Variants in C3orf70 observed in about 807,000 individuals in gnomAD.
C3orf70 encodes the protein chromosome 3 open reading frame 70, also known as UPF0524 protein C3orf70.
C3orf70 carries 15 observed loss-of-function variants against 20.7 expected under a neutral mutation model. The ratio of observed to expected loss-of-function variants is 0.72; its 90% CI spans 0.48 to 1.11. The LOEUF is 1.11. Ranked by LOEUF, C3orf70 falls within the 50% of genes most tolerant of loss-of-function variation. The pLI is 0.00. For synonymous variants in C3orf70, 161 were observed against 125.7 expected (o/e 1.28, Z -1.88); for missense variants, 332 against 317.6 (o/e 1.05, Z -0.34).
At chr3:185,121,985 G>A (rs953890573) in intron 1 of C3orf70, among the ~76,000 whole-genome samples, 2 of 151,734 alleles carry the variant, frequency 1.3e-5, no homozygotes, top group Non-Finnish European at 2.9e-5. Context: ...TGTAGTCCCA[G>A]TTACTAGGGA....
chr3:185,109,375 G>A (rs1716014657), intron 1 of C3orf70, among the ~76,000 whole-genome samples: 1 of 152,148 alleles, frequency 6.6e-6, no homozygotes, highest in Non-Finnish European at 1.5e-5. Flanking sequence ...CAGCTGATTT[G>A]GATACCATCA....
chr3:185,149,349 G>A (rs59016102), intron 1 of C3orf70, among the ~76,000 whole-genome samples: 4,427 of 141,800 alleles, frequency 0.031, 230 homozygotes, highest in African/African-American at 0.11. Context: ...CAGACATCGC[G>A]CCACTACACT....
chr3:185,140,408 A>G (rs1034028517), intron 1 of C3orf70, among the ~76,000 whole-genome samples: 1 of 152,216 alleles, frequency 6.6e-6, no homozygotes, highest in African/African-American at 2.4e-5. Context: ...AAAGACATGG[A>G]TAGACATTTC....
chr3:185,083,859 G>C (rs181481445), intron 1 of C3orf70, among the ~76,000 whole-genome samples: 3 of 151,934 alleles, frequency 2.0e-5, no homozygotes, highest in African/African-American at 7.3e-5. Context: ...ACAACTTTAA[G>C]TAATTTACTC....
Position 185,091,941 on chromosome 3 carries a change from ATATATATATATATATATATATATTTT to A in C3orf70, c.197-8404_197-8379del, listed in dbSNP as rs1490346201. Among the ~76,000 whole-genome samples the A allele has an allele frequency of 8.4e-3, 64 of 7,636 alleles. 6 individuals are homozygous for A. The South Asian group carries it at 0.1, about 12-fold the overall frequency. The allele number at this position is 7,636 out of a possible 152,430, so 5.0% of individuals were successfully genotyped here. On this transcript the variant is annotated intron_variant, in intron 1 of 1. Transcript: ENST00000335012. ...TATATATATATATATATATATATAT[ATATATATATATATATATATATATTTT>A]TTTTTTTTTTTAGTAGAGACAGGGT...
chr3:185,136,160 T>C (rs1179997049), intron 1 of C3orf70, among the ~76,000 whole-genome samples: 2 of 152,182 alleles, frequency 1.3e-5, no homozygotes, highest in Non-Finnish European at 2.9e-5. Context: ...GTTATGGCTA[T>C]ATTAATATCA....
At chr3:185,085,331 C>T (rs1167511587) in intron 1 of C3orf70, among the ~76,000 whole-genome samples, 1 of 151,982 alleles carries the variant, frequency 6.6e-6, no homozygotes, top group African/African-American at 2.4e-5. Flanking sequence ...AAAGAGGCCA[C>T]AAATCATGCA....
chr3:185,152,764 C>A lies in C3orf70; in HGVS notation c.60G>T (p.Glu20Asp). 1 of 1,587,512 alleles carries A rather than the reference C, an allele frequency of 6.3e-7. No individual in the cohort carries two copies. Among genetic ancestry groups the A allele is most frequent in the East Asian group, 2.4e-5 (1 of 41,296 alleles). The change falls in exon 1 of 2, where the codon GAG (glutamate) becomes GAT (aspartate). Residue 20 changes from glutamate (E) to aspartate (D), a missense_variant. Transcript: ENST00000335012. ...ERGWKSEKLD[E>D]AQALARSCAA... ...CGCAACTCCGCGCCAGGGCCTGAGC[C>A]TCATCTAGTTTCTCGCTCTTCCAAC...
chr3:185,104,272 T>C (rs1481655099), intron 1 of C3orf70, among the ~76,000 whole-genome samples: 1 of 152,176 alleles, frequency 6.6e-6, no homozygotes, highest in Non-Finnish European at 1.5e-5. Context: ...CCAGTAACCC[T>C]GACCTGTTTC....
At position 185,077,179 on chromosome 3, in the gene C3orf70, G is replaced by T. The variant is rs1459885984; in HGVS notation, c.*5828C>A. Among the ~76,000 whole-genome samples the T allele has an allele frequency of 6.6e-6, 1 of 152,108 alleles. No individual in the cohort carries two copies. Among genetic ancestry groups the T allele is most frequent in the African/African-American group, 2.4e-5 (1 of 41,398 alleles). On this transcript the variant is annotated 3_prime_UTR_variant, in exon 2 of 2. Coordinates refer to ENST00000335012, the MANE Select transcript of C3orf70 (RefSeq NM_001025266.3). ...GACAGAGAAGGGGACAAAGAGGGAA[G>T]CCTGTCAGTGTTTCTCCTCCACTGT...
At chr3:185,129,210 G>A (rs1212132635) in intron 1 of C3orf70, among the ~76,000 whole-genome samples, 1 of 152,096 alleles carries the variant, frequency 6.6e-6, no homozygotes, top group East Asian at 1.9e-4. Context: ...AGGTAGTTTT[G>A]CAATCCTGGC....
Position 185,078,423 on chromosome 3 carries a change from TCA to T in C3orf70, c.*4582_*4583del, listed in dbSNP as rs1487460893. 2 of 152,178 alleles carry T rather than the reference TCA, an allele frequency of 1.3e-5. No individual in the cohort carries two copies. Among genetic ancestry groups the T allele is most frequent in the African/African-American group, 2.4e-5 (1 of 41,418 alleles). 9.4% of individuals were successfully genotyped at this position (152,178 alleles called of 1,614,324 possible). A position where few individuals can be genotyped will look rare whatever the true frequency, so the allele number is the denominator to read the frequency against. ...GGCCTTTTCCTAGAACAGCTAACTC[TCA>T]GTTATCTACAGTAATGAAAAAGAGC... On this transcript the variant is annotated 3_prime_UTR_variant, in exon 2 of 2. Transcript: ENST00000335012.
At chr3:185,141,358 A>G (rs1304535906) in intron 1 of C3orf70, among the ~76,000 whole-genome samples, 1 of 104,094 alleles carries the variant, frequency 9.6e-6, no homozygotes, top group Non-Finnish European at 2.2e-5. Context: ...GCAGTTTCTT[A>G]AAAAAAAAAA....
intron 1 of C3orf70, among the ~76,000 whole-genome samples, chr3:185,111,154 T>C (rs539387792): frequency 6.6e-6 from 1 of 152,316 alleles, no homozygotes; most frequent in East Asian, 1.9e-4. Flanking sequence ...TATAAATTTT[T>C]AGAAGAATAC....
intron 1 of C3orf70, among the ~76,000 whole-genome samples, chr3:185,138,372 T>C (rs1051951974): frequency 2.0e-5 from 3 of 149,740 alleles, no homozygotes; most frequent in South Asian, 2.1e-4. Flanking sequence ...ATCGAGAAAA[T>C]AGAAGGGGAA....
At chr3:185,109,469 C>G (rs6444029) in intron 1 of C3orf70, among the ~76,000 whole-genome samples, 22,281 of 152,018 alleles carry the variant, frequency 0.15, 1,807 homozygotes, top group East Asian at 0.23. Flanking sequence ...GCAGCCATGT[C>G]GAGGCTGATG....
At chr3:185,135,352 G>A (rs917753102) in intron 1 of C3orf70, among the ~76,000 whole-genome samples, 4 of 152,202 alleles carry the variant, frequency 2.6e-5, no homozygotes, top group African/African-American at 9.6e-5. Context: ...CAGGCGCAGT[G>A]GCTCATGCCT....
chr3:185,129,744 G>C (rs1716491136), intron 1 of C3orf70, among the ~76,000 whole-genome samples: 2 of 152,116 alleles, frequency 1.3e-5, no homozygotes, highest in African/African-American at 4.8e-5. Flanking sequence ...CTTTTTAATA[G>C]AAGGCAATGT....
intron 1 of C3orf70, among the ~76,000 whole-genome samples, chr3:185,086,672 AAG>A (rs916768397): frequency 2.6e-5 from 4 of 152,212 alleles, no homozygotes; most frequent in African/African-American, 7.2e-5. Flanking sequence ...GACATGTAGT[AAG>A]AGAGAAATGC....
Sources: allele counts gnomAD v4.1 joint callset (sites outside exome capture counted in the v4.1 genomes callset), GRCh38; gene constraint gnomAD v4.1.1; transcripts MANE v1.5; gene names NCBI Gene and HGNC (gene_info 2026-07-23, HGNC 2026-07-21).